Variants in DCAF1 observed in about 807,000 individuals in gnomAD.
The protein encoded by DCAF1 is DDB1- and CUL4-associated factor 1.
Under a neutral mutation model 128.0 loss-of-function variants are expected in DCAF1, and 15 were observed. That is an observed-to-expected ratio of 0.12 (90% CI 0.08 to 0.18). DCAF1 has a LOEUF of 0.18. DCAF1 is among the 10% of genes least tolerant of loss of function. The probability of loss-of-function intolerance (pLI) is 1.00; values close to 1 mark genes in which losing one functional copy is unlikely to be tolerated. For synonymous variants in DCAF1, 610 were observed against 603.0 expected, an observed-to-expected ratio of 1.01 and a Z score of -0.17; for missense variants, 988 against 1,649.5, an observed-to-expected ratio of 0.60 and a Z score of 6.95.
At chr3:51,435,359 A>T (rs1700714113) in intron 9 of DCAF1, among the ~76,000 whole-genome samples, 1 of 152,180 alleles carries the variant, frequency 6.6e-6, no homozygotes, top group Admixed American at 6.5e-5. Flanking sequence ...TATAACCATG[A>T]GCTTACACAC....
intron 9 of DCAF1, chr3:51,438,128 C>A: frequency 2.5e-6 from 1 of 406,500 alleles, no homozygotes; most frequent in Admixed American, 3.6e-5. Context: ...TGTGGTTATG[C>A]ATTTTTTTTT....
chr3:51,436,397 A>G lies in DCAF1; in HGVS notation c.1129-3133T>C, dbSNP rs782484115. Reference sequence around the variant, plus strand: ...TGTTGCTGCAGTTTCTGCATGTATAACCAATGGGATCCTTCTGAGGATGCT... The same window carrying G: ...TGTTGCTGCAGTTTCTGCATGTATAGCCAATGGGATCCTTCTGAGGATGCT... On this transcript the variant is annotated intron_variant, in intron 9 of 24. Transcript: ENST00000684031. 4 of 520,160 alleles carry G rather than the reference A, an allele frequency of 7.7e-6. No homozygotes were observed. The Admixed American group carries it at 7.8e-5, about 10-fold the overall frequency. The allele number at this position is 520,160 out of a possible 1,614,324, so 32.2% of individuals were successfully genotyped here.
chr3:51,395,898 TTTTTG>T, downstream of DCAF1: 1 of 413,504 alleles, frequency 2.4e-6, no homozygotes, highest in Non-Finnish European at 4.4e-6. Flanking sequence ...TATTTGCCTG[TTTTTG>T]TTTTTTTACT....
chr3:51,492,860 G>A (rs1378908289), intron 2 of DCAF1, among the ~76,000 whole-genome samples: 6 of 151,842 alleles, frequency 4.0e-5, no homozygotes, highest in Non-Finnish European at 8.8e-5. Flanking sequence ...TGGGCGTGGT[G>A]GCAGGCACCA....
At chr3:51,476,709 C>G (rs1322679431) in intron 3 of DCAF1, among the ~76,000 whole-genome samples, 1 of 151,482 alleles carries the variant, frequency 6.6e-6, no homozygotes, top group Non-Finnish European at 1.5e-5. Context: ...AACCCTGTCT[C>G]TACTAAAAAT....
At chr3:51,456,999 A>G (rs1401792978) in intron 6 of DCAF1, among the ~76,000 whole-genome samples, 1 of 152,212 alleles carries the variant, frequency 6.6e-6, no homozygotes, top group East Asian at 1.9e-4. Flanking sequence ...TCTAAAAATC[A>G]GAGCGCCTCT....
At chr3:51,498,694 T>G (rs903532500) in intron 1 of DCAF1, among the ~76,000 whole-genome samples, 2 of 152,224 alleles carry the variant, frequency 1.3e-5, no homozygotes, top group African/African-American at 4.8e-5. Context: ...CCCCAAATTC[T>G]CTATTATCTC....
chr3:51,410,310 A>G (rs1305382179), intron 23 of DCAF1, among the ~76,000 whole-genome samples: 24 of 152,198 alleles, frequency 1.6e-4, no homozygotes, highest in Non-Finnish European at 4.4e-5. Flanking sequence ...GCATGCTTAG[A>G]CAGTCAAAAC....
intron 5 of DCAF1, among the ~76,000 whole-genome samples, chr3:51,466,222 A>G (rs1159333534): frequency 2.0e-5 from 3 of 152,154 alleles, no homozygotes; most frequent in Admixed American, 1.3e-4. Context: ...AAAGAAAAAG[A>G]AGGCAGTGAG....
At chr3:51,443,233 G>C (rs1553639368) in intron 7 of DCAF1, among the ~76,000 whole-genome samples, 1 of 152,078 alleles carries the variant, frequency 6.6e-6, no homozygotes, top group African/African-American at 2.4e-5. Flanking sequence ...TGGTAGAAAG[G>C]GAAACAGGGA....
At chr3:51,426,700 A>C (rs541646062) in intron 13 of DCAF1, among the ~76,000 whole-genome samples, 11 of 152,364 alleles carry the variant, frequency 7.2e-5, no homozygotes, top group African/African-American at 2.2e-4. Flanking sequence ...GGATTTAACA[A>C]ACTTACTATA....
In DCAF1 at chr3:51,414,084, C is replaced by T. The variant is rs935522030; in HGVS notation, c.3838-41G>A. On this transcript the variant is annotated intron_variant, in intron 19 of 24. Coordinates refer to ENST00000684031, the MANE Select transcript of DCAF1 (RefSeq NM_001387579.1). Reference sequence around the variant, plus strand: ...TCAAGGAAAACTATTTTACACAAAACTTATCTAATCTCATGGGAGGAAATT... The same window carrying T: ...TCAAGGAAAACTATTTTACACAAAATTTATCTAATCTCATGGGAGGAAATT... The T allele has an allele frequency of 2.0e-6, 3 of 1,528,140 alleles. No individual in the cohort carries two copies. The African/African-American group carries it at 4.2e-5, about 21-fold the overall frequency. 94.7% of individuals were successfully genotyped at this position (1,528,140 alleles called of 1,614,324 possible).
At chr3:51,500,112 C>CG (rs1559596317), upstream of DCAF1, 2 of 76,878 alleles carry the variant, frequency 2.6e-5, no homozygotes, top group African/African-American at 5.6e-5. Context: ...CCTGCACGAT[C>CG]GGGGAAAAAA....
chr3:51,486,123 C>G (rs2108458577), intron 2 of DCAF1, among the ~76,000 whole-genome samples: 1 of 151,834 alleles, frequency 6.6e-6, no homozygotes, highest in East Asian at 1.9e-4. Flanking sequence ...ATCTCCTGAC[C>G]TCATGATCTG....
Position 51,422,203 on chromosome 3 carries a change from G to T in DCAF1, c.1972+104C>A, listed in dbSNP as rs76934645. On this transcript the variant is annotated intron_variant, in intron 14 of 24. Coordinates refer to ENST00000684031, the MANE Select transcript of DCAF1 (RefSeq NM_001387579.1). ...CAAGGAGCCCCCCTCTACTACTTCT[G>T]TTCTAAAATCCAAAATTAGGTCAGG... The T allele has an allele frequency of 8.6e-3, 5,809 of 671,988 alleles. 48 individuals carry two copies. Among genetic ancestry groups the T allele is most frequent in the Non-Finnish European group, 0.011 (3,912 of 361,828 alleles). The allele number at this position is 671,988 out of a possible 1,614,324, so 41.6% of individuals were successfully genotyped here. A position where few individuals can be genotyped will look rare whatever the true frequency, so the allele number is the denominator to read the frequency against.
intron 9 of DCAF1, among the ~76,000 whole-genome samples, chr3:51,437,892 GAAAAA>G (rs1375929984): frequency 7.0e-6 from 1 of 142,668 alleles, no homozygotes; most frequent in African/African-American, 2.6e-5. Flanking sequence ...AGAAAAAAAA[GAAAAA>G]AGAAAAAAGA....
At chr3:51,443,432 T>C (rs1701552170) in intron 7 of DCAF1, among the ~76,000 whole-genome samples, 1 of 151,732 alleles carries the variant, frequency 6.6e-6, no homozygotes, top group African/African-American at 2.4e-5. Context: ...CTACTAAAAA[T>C]ACAAAAAATT....
At chr3:51,412,623 A>T (rs1698533106) in intron 22 of DCAF1, 143 bp from the exon 23 acceptor site, 1 of 1,387,434 alleles carries the variant, frequency 7.2e-7, no homozygotes, top group African/African-American at 1.4e-5. Flanking sequence ...TGACTATGAA[A>T]ATGTTATACC....
intron 6 of DCAF1, among the ~76,000 whole-genome samples, chr3:51,446,365 T>C (rs1701853577): frequency 6.6e-6 from 1 of 152,156 alleles, no homozygotes; most frequent in South Asian, 2.1e-4. Context: ...GTAATCCTAA[T>C]GCTTTGGGAG....
Sources: gnomAD v4.1 joint callset for allele counts (sites outside exome capture counted in the v4.1 genomes callset) on GRCh38, gnomAD v4.1.1 for gene constraint, MANE v1.5 for transcripts, NCBI Gene and HGNC (gene_info 2026-07-23, HGNC 2026-07-21) for gene names.